CLPB: variants seen among roughly 807,000 people sequenced by gnomAD.
CLPB encodes ClpB family mitochondrial disaggregase.
A neutral mutation model predicts 78.4 loss-of-function variants in CLPB; 40 were observed. The ratio of observed to expected loss-of-function variants is 0.51; its 90% CI spans 0.40 to 0.66. The LOEUF is 0.66. Ranked by LOEUF, CLPB falls within the 30% of genes least tolerant of loss-of-function variation. The probability of loss-of-function intolerance (pLI) is 0.00; values close to 1 mark genes in which losing one functional copy is unlikely to be tolerated. For synonymous variants in CLPB, 333 were observed against 348.0 expected, an observed-to-expected ratio of 0.96 and a Z score of 0.48; for missense variants, 780 against 886.9, an observed-to-expected ratio of 0.88 and a Z score of 1.53.
intron 5 of CLPB, chr11:72,332,665 G>A (rs1358484355): frequency 2.0e-5 from 3 of 152,082 alleles, no homozygotes; most frequent in Non-Finnish European, 4.4e-5. Flanking sequence ...GCAACCATTA[G>A]TTTACTTTCT....
intron 2 of CLPB, among the ~76,000 whole-genome samples, chr11:72,427,336 A>G (rs549355649): frequency 1.3e-5 from 2 of 152,330 alleles, no homozygotes; most frequent in Admixed American, 6.5e-5. Context: ...AGGGTAAAGC[A>G]CGACATTATT....
intron 4 of CLPB, among the ~76,000 whole-genome samples, chr11:72,378,815 G>A (rs1041889584): frequency 1.3e-5 from 2 of 152,182 alleles, no homozygotes; most frequent in African/African-American, 4.8e-5. Context: ...CAAAGATCAT[G>A]GCCTGCACAT....
chr11:72,397,974 T>C (rs574287380), intron 3 of CLPB, among the ~76,000 whole-genome samples: 4 of 152,346 alleles, frequency 2.6e-5, no homozygotes, highest in South Asian at 4.1e-4. Flanking sequence ...TTTATCTCCA[T>C]TGCAAGCACC....
At chr11:72,401,246 T>C (rs568425757) in intron 3 of CLPB, among the ~76,000 whole-genome samples, 13 of 152,168 alleles carry the variant, frequency 8.5e-5, no homozygotes, top group Non-Finnish European at 1.8e-4. Flanking sequence ...GATACCATTC[T>C]GGCCAACATG....
intron 2 of CLPB, among the ~76,000 whole-genome samples, chr11:72,405,100 A>G (rs1300454814): frequency 6.6e-6 from 1 of 152,236 alleles, no homozygotes; most frequent in Non-Finnish European, 1.5e-5. Context: ...GATAGGCTGA[A>G]GAAAATCAGA....
intron 5 of CLPB, among the ~76,000 whole-genome samples, chr11:72,342,726 C>T (rs188442866): frequency 6.6e-6 from 1 of 152,268 alleles, no homozygotes; most frequent in East Asian, 1.9e-4. Context: ...CAGCTGAGAC[C>T]AAAGCATCCG....
intron 6 of CLPB, among the ~76,000 whole-genome samples, chr11:72,329,211 G>A (rs896133102): frequency 6.6e-5 from 10 of 152,108 alleles, no homozygotes; most frequent in Non-Finnish European, 1.5e-4. Context: ...AGGGTTTTTT[G>A]GCTCAGATTC....
chr11:72,430,453 CT>C, intron 1 of CLPB, 90 bp from the exon 2 acceptor site: 1 of 1,124,690 alleles, frequency 8.9e-7, no homozygotes, highest in Non-Finnish European at 1.3e-6. Flanking sequence ...AGTGGCAGTA[CT>C]TTAGAAACGT....
At chr11:72,401,831 T>C (rs1361324183) in intron 3 of CLPB, among the ~76,000 whole-genome samples, 2 of 152,292 alleles carry the variant, frequency 1.3e-5, no homozygotes, top group East Asian at 3.9e-4. Flanking sequence ...CTAGAGCAAA[T>C]GTGTACTTCA....
intron 3 of CLPB, among the ~76,000 whole-genome samples, chr11:72,387,109 C>T (rs1308756259): frequency 3.3e-5 from 5 of 152,028 alleles, no homozygotes; most frequent in Admixed American, 2.6e-4. Context: ...TGTATTATAA[C>T]CCATTAATTA....
chr11:72,325,110 T>C (rs1049407482), intron 6 of CLPB, among the ~76,000 whole-genome samples: 1 of 152,104 alleles, frequency 6.6e-6, no homozygotes, highest in African/African-American at 2.4e-5. Flanking sequence ...TCCCCTCAGC[T>C]GAATATTCAT....
chr11:72,359,147 G>A, intron 4 of CLPB, 139 bp from the exon 5 acceptor site: 1 of 1,340,690 alleles, frequency 7.5e-7, no homozygotes, highest in Non-Finnish European at 1.0e-6. Context: ...CTATGTTCCT[G>A]GCCATCTGTG....
intron 3 of CLPB, among the ~76,000 whole-genome samples, chr11:72,402,381 A>G (rs1855588451): frequency 6.6e-6 from 1 of 152,234 alleles, no homozygotes; most frequent in Admixed American, 6.5e-5. Context: ...CTGAGCTACA[A>G]AATGAGCATA....
At position 72,293,635 on chromosome 11, in the gene CLPB, G is replaced by A; in HGVS notation, c.1786-20C>T. ...TTCTACCTGTCGGTGGGGAGGTGAA[G>A]TGGTCACTCCCTCGGCCTGGACCCA... On this transcript the variant is annotated intron_variant, in intron 15 of 15. Transcript: ENST00000538039. 6.2e-7 allele frequency: 1 copy of A among 1,603,550 alleles called. No individual in the cohort carries two copies. The highest frequency in any genetic ancestry group is 8.5e-7 in the Non-Finnish European group (1 of 1,172,500).
At chr11:72,432,402 A>G (rs781521076) in intron 1 of CLPB, among the ~76,000 whole-genome samples, 1 of 152,022 alleles carries the variant, frequency 6.6e-6, no homozygotes, top group Non-Finnish European at 1.5e-5. Context: ...TTCCGTTTCT[A>G]CTTCATCCTT....
intron 4 of CLPB, among the ~76,000 whole-genome samples, chr11:72,362,676 G>T (rs1192837724): frequency 6.6e-6 from 1 of 152,178 alleles, no homozygotes; most frequent in Non-Finnish European, 1.5e-5. Context: ...GCCTTCATGG[G>T]ATGTTGTAAG....
Position 72,302,290 on chromosome 11 carries a change from C to A in CLPB, c.1167+14G>T, listed in dbSNP as rs1380147009. 6.2e-7 allele frequency: 1 copy of A among 1,613,604 alleles called. No homozygotes were observed. Among genetic ancestry groups the A allele is most frequent in the African/African-American group, 1.3e-5 (1 of 74,920 alleles). On this transcript the variant is annotated intron_variant, in intron 10 of 15. Coordinates refer to ENST00000538039, the MANE Select transcript of CLPB (RefSeq NM_001258392.3). ...CTCCAAACCATGCTTCAATCAAGGACTGTCATCACTCACCTCGTGTCGCTC... is the reference window on the plus strand; with the variant it reads ...CTCCAAACCATGCTTCAATCAAGGAATGTCATCACTCACCTCGTGTCGCTC...
rs12274817 is a variant in CLPB at position 72,421,818 on chromosome 11, A to G, written c.455+8494T>C. ...AATTGCCTTCCATCACCAGGGAACA[A>G]GCAATCAGAGCCTCAGCAAGCCACA... On this transcript the variant is annotated intron_variant, in intron 2 of 15. Coordinates refer to ENST00000538039, the MANE Select transcript of CLPB (RefSeq NM_001258392.3). 3.3e-3 allele frequency among the ~76,000 whole-genome samples: 504 copies of G among 152,332 alleles called. 6 individuals are homozygous for G. The highest frequency in any genetic ancestry group is 0.011 in the African/African-American group (468 of 41,580).
At chr11:72,308,978 G>C (rs899392579) in intron 7 of CLPB, among the ~76,000 whole-genome samples, 1 of 152,198 alleles carries the variant, frequency 6.6e-6, no homozygotes, top group Admixed American at 6.5e-5. Context: ...CTCATCGCTA[G>C]TGGGACTACG....
Sources: allele counts gnomAD v4.1 joint callset (sites outside exome capture counted in the v4.1 genomes callset), GRCh38; gene constraint gnomAD v4.1.1; transcripts MANE v1.5; gene names NCBI Gene and HGNC (gene_info 2026-07-23, HGNC 2026-07-21).